Variants in ADAMTS3 observed in about 807,000 individuals in gnomAD.
The protein encoded by ADAMTS3 is A disintegrin and metalloproteinase with thrombospondin motifs 3.
Under a neutral mutation model 129.0 loss-of-function variants are expected in ADAMTS3, and 73 were observed. That is an observed-to-expected ratio of 0.57 (90% CI 0.47 to 0.69). ADAMTS3 has a LOEUF of 0.69. Ranked by LOEUF, ADAMTS3 falls within the 30% of genes least tolerant of loss-of-function variation. The pLI, the probability that ADAMTS3 is intolerant of heterozygous loss-of-function variation, is 0.00. For missense variants in ADAMTS3, 1,457 were observed against 1,514.5 expected (o/e 0.96, Z 0.63); for synonymous variants, 477 against 510.8 (o/e 0.93, Z 0.89).
intron 20 of ADAMTS3, 102 bp downstream of exon 20, chr4:72,290,753 T>G: frequency 2.4e-6 from 3 of 1,244,612 alleles, no homozygotes; most frequent in Non-Finnish European, 3.4e-6. Flanking sequence ...CAGTAGTTTC[T>G]CAGTTCACAC....
intron 3 of ADAMTS3, among the ~76,000 whole-genome samples, chr4:72,429,647 T>C (rs1248139642): frequency 1.3e-5 from 2 of 152,068 alleles, no homozygotes; most frequent in African/African-American, 2.4e-5. Flanking sequence ...ATTTTGAGGA[T>C]ATGTATTAAA....
intron 10 of ADAMTS3, among the ~76,000 whole-genome samples, chr4:72,317,434 CACCCAAAGCT>C (rs1719427320): frequency 6.6e-6 from 1 of 150,446 alleles, no homozygotes; most frequent in African/African-American, 2.4e-5. Flanking sequence ...CTTGCTCTAA[CACCCAAAGCT>C]TGCTCCAACA....
rs1057013757 is a variant in ADAMTS3 at position 72,310,786 on chromosome 4, C to T, written c.2055+262G>A. ...CATTATTACCAATTTGTATTCCCAA[C>T]CTAGAGGCCTCAGAGTTACTCAGAA... On this transcript the variant is annotated intron_variant, in intron 14 of 21. Transcript: ENST00000286657. 2.6e-5 allele frequency among the ~76,000 whole-genome samples: 4 copies of T among 151,974 alleles called. No homozygotes were observed. The South Asian group carries it at 6.2e-4, about 24-fold the overall frequency.
chr4:72,441,285 C>T (rs1329899127), intron 3 of ADAMTS3, among the ~76,000 whole-genome samples: 1 of 151,610 alleles, frequency 6.6e-6, no homozygotes, highest in African/African-American at 2.4e-5. Context: ...TATATGAACA[C>T]ACTATATATT....
intron 3 of ADAMTS3, among the ~76,000 whole-genome samples, chr4:72,503,032 T>C (rs1431652981): frequency 1.3e-5 from 2 of 152,130 alleles, no homozygotes; most frequent in African/African-American, 2.4e-5. Context: ...TTTCTTTTGT[T>C]TTTGTTTTCT....
At position 72,282,972 on chromosome 4, in the gene ADAMTS3, A is replaced by G. The variant is rs916207304; in HGVS notation, c.*164T>C. On this transcript the variant is annotated 3_prime_UTR_variant, in exon 22 of 22. Transcript: ENST00000286657. ...TGAGTCAATGCAGAACAAAAGGAGG[A>G]TGAAAGCAACTAGAAAGTGAGCCAG... The G allele has an allele frequency of 1.0e-5, 6 of 585,626 alleles. No individual in the cohort carries two copies. The highest frequency in any genetic ancestry group is 3.4e-5 in the Admixed American group (1 of 29,476). The allele number at this position is 585,626 out of a possible 1,614,324, so 36.3% of individuals were successfully genotyped here.
chr4:72,319,184 TG>T, intron 9 of ADAMTS3, 147 bp downstream of exon 9: 1 of 874,332 alleles, frequency 1.1e-6, no homozygotes, highest in Non-Finnish European at 1.7e-6. Flanking sequence ...ATAAAATTTT[TG>T]TGCTGAATGT....
At chr4:72,555,949 C>T (rs1393387750) in intron 2 of ADAMTS3, among the ~76,000 whole-genome samples, 1 of 151,684 alleles carries the variant, frequency 6.6e-6, no homozygotes, top group African/African-American at 2.4e-5. Context: ...CCTGAGGTCC[C>T]CCCTGTCATG....
intron 3 of ADAMTS3, among the ~76,000 whole-genome samples, chr4:72,430,681 T>C (rs1285690626): frequency 1.3e-5 from 2 of 151,932 alleles, no homozygotes; most frequent in African/African-American, 4.8e-5. Context: ...GATGGAAAAC[T>C]GCAAGAATGG....
intron 3 of ADAMTS3, among the ~76,000 whole-genome samples, chr4:72,452,915 G>T (rs1718444309): frequency 6.6e-6 from 1 of 151,760 alleles, no homozygotes; most frequent in East Asian, 2.0e-4. Context: ...CTATCTCAAA[G>T]AACACTAAAC....
chr4:72,566,194 A>C lies in ADAMTS3; in HGVS notation c.97+1180T>G, dbSNP rs139023898. 3.3e-3 allele frequency among the ~76,000 whole-genome samples: 498 copies of C among 152,290 alleles called. 3 individuals are homozygous for C. Among genetic ancestry groups the C allele is most frequent in the African/African-American group, 0.011 (455 of 41,552 alleles). On this transcript the variant is annotated intron_variant, in intron 2 of 21. Coordinates refer to ENST00000286657, the MANE Select transcript of ADAMTS3 (RefSeq NM_014243.3). ...AGGTCTAAGCTTGGGAAATACATCC[A>C]ACAATGCTAAGCACTGAGTAGGAAG...
At chr4:72,562,873 C>T (rs1361412701) in intron 2 of ADAMTS3, among the ~76,000 whole-genome samples, 1 of 152,116 alleles carries the variant, frequency 6.6e-6, no homozygotes, top group Non-Finnish European at 1.5e-5. Context: ...CTGATAATAG[C>T]AATCCTTTTT....
At chr4:72,449,208 G>A (rs1718331980) in intron 3 of ADAMTS3, among the ~76,000 whole-genome samples, 1 of 151,406 alleles carries the variant, frequency 6.6e-6, no homozygotes, top group Non-Finnish European at 1.5e-5. Flanking sequence ...TGGTTGTAAA[G>A]AGCATCTTCT....
intron 3 of ADAMTS3, among the ~76,000 whole-genome samples, chr4:72,528,923 A>C (rs1720885974): frequency 6.6e-6 from 1 of 152,118 alleles, no homozygotes; most frequent in Non-Finnish European, 1.5e-5. Flanking sequence ...CCCAACAATA[A>C]ATGTACATAA....
chr4:72,529,367 A>G (rs1008586798), intron 3 of ADAMTS3, among the ~76,000 whole-genome samples: 7 of 151,958 alleles, frequency 4.6e-5, no homozygotes, highest in African/African-American at 1.7e-4. Context: ...ACTGAGTCAG[A>G]AAGTCTGTGG....
intron 4 of ADAMTS3, among the ~76,000 whole-genome samples, chr4:72,379,586 G>C (rs1186803488): frequency 6.6e-6 from 1 of 152,114 alleles, no homozygotes; most frequent in Admixed American, 6.5e-5. Context: ...TTATGATAGA[G>C]TGAAAAGAAC....
At chr4:72,566,339 C>A (rs1490032112) in intron 2 of ADAMTS3, among the ~76,000 whole-genome samples, 1 of 152,180 alleles carries the variant, frequency 6.6e-6, no homozygotes, top group African/African-American at 2.4e-5. Flanking sequence ...GGTAGCTATG[C>A]AACCTCTCAA....
intron 3 of ADAMTS3, among the ~76,000 whole-genome samples, chr4:72,517,868 C>G (rs1254199332): frequency 2.7e-5 from 4 of 150,844 alleles, no homozygotes; most frequent in Non-Finnish European, 5.9e-5. Context: ...TTATTTCTTG[C>G]CTTCTGCTAG....
chr4:72,506,386 G>A (rs1340249125), intron 3 of ADAMTS3, among the ~76,000 whole-genome samples: 2 of 152,162 alleles, frequency 1.3e-5, no homozygotes, highest in African/African-American at 4.8e-5. Flanking sequence ...CAGAAGAACT[G>A]TGATTGGGGG....
Sources: gnomAD v4.1 joint callset for allele counts (sites outside exome capture counted in the v4.1 genomes callset) on GRCh38, gnomAD v4.1.1 for gene constraint, MANE v1.5 for transcripts, NCBI Gene and HGNC (gene_info 2026-07-23, HGNC 2026-07-21) for gene names.